The following TRAPPC9 variants were observed in gnomAD, a reference collection of about 807,000 sequenced individuals.
TRAPPC9 encodes the protein IKK2 binding protein.
TRAPPC9 carries 83 observed loss-of-function variants against 124.0 expected under a neutral mutation model. The observed-to-expected ratio is 0.67, with a 90% CI of 0.56 to 0.80. TRAPPC9 has a LOEUF of 0.80. TRAPPC9 is among the 30% of genes least tolerant of loss of function. TRAPPC9 has a pLI of 0.00. For missense variants in TRAPPC9, 1,302 were observed against 1,508.3 expected, an observed-to-expected ratio of 0.86 and a Z score of 2.27; for synonymous variants, 638 against 617.5, an observed-to-expected ratio of 1.03 and a Z score of -0.49.
intron 16 of TRAPPC9, among the ~76,000 whole-genome samples, chr8:140,239,164 G>A (rs1173026905): frequency 6.6e-6 from 1 of 152,182 alleles, no homozygotes; most frequent in African/African-American, 2.4e-5. Context: ...CAGTGTGAGG[G>A]CACGGAGGGA....
At chr8:140,270,592 A>G (rs900669783) in intron 15 of TRAPPC9, among the ~76,000 whole-genome samples, 2 of 152,210 alleles carry the variant, frequency 1.3e-5, no homozygotes, top group Non-Finnish European at 2.9e-5. Flanking sequence ...CTCCTGTGGC[A>G]CTAAGTCAGA....
intron 5 of TRAPPC9, among the ~76,000 whole-genome samples, chr8:140,418,723 AAGATAGATAGATAGATAGATAGAT>A (rs530951569): frequency 2.1e-5 from 3 of 141,214 alleles, no homozygotes; most frequent in African/African-American, 7.9e-5. Context: ...CCATCTCAAA[AAGATAGATAGATAGATAGATAGAT>A]AGATAGATAG....
chr8:139,736,263 T>G (rs1363213302), intron 21 of TRAPPC9, among the ~76,000 whole-genome samples: 1 of 152,146 alleles, frequency 6.6e-6, no homozygotes, highest in Non-Finnish European at 1.5e-5. Context: ...TGACCAACTA[T>G]CCCAGTTTGC....
chr8:140,159,331 C>A (rs4736144), intron 17 of TRAPPC9, among the ~76,000 whole-genome samples: 2 of 152,012 alleles, frequency 1.3e-5, no homozygotes, highest in Non-Finnish European at 2.9e-5. Flanking sequence ...TGGATTTATC[C>A]CACACACTGA....
intron 8 of TRAPPC9, 95 bp from the exon 9 acceptor site, chr8:140,360,288 G>A (rs2067910508): frequency 6.6e-7 from 1 of 1,510,054 alleles, no homozygotes; most frequent in South Asian, 1.2e-5. Context: ...TTTGAAGACA[G>A]ATGCCTCAAC....
At chr8:140,269,446 C>T (rs2064804593) in intron 15 of TRAPPC9, among the ~76,000 whole-genome samples, 1 of 151,950 alleles carries the variant, frequency 6.6e-6, no homozygotes, top group African/African-American at 2.4e-5. Context: ...GAGGCTGAGG[C>T]AGGAGAATGG....
At chr8:139,947,745 G>A (rs1438989220) in intron 19 of TRAPPC9, among the ~76,000 whole-genome samples, 1 of 150,624 alleles carries the variant, frequency 6.6e-6, no homozygotes, top group African/African-American at 2.4e-5. Context: ...GCGGGCACCT[G>A]TAATCCCAGC....
chr8:140,380,903 A>G (rs2068587949), intron 7 of TRAPPC9, among the ~76,000 whole-genome samples: 1 of 152,098 alleles, frequency 6.6e-6, no homozygotes, highest in Non-Finnish European at 1.5e-5. Flanking sequence ...TGCCAAGGAC[A>G]CCATCAAGAA....
chr8:139,995,240 T>C (rs2665941), intron 18 of TRAPPC9, among the ~76,000 whole-genome samples: 122,146 of 152,204 alleles, frequency 0.8, 49,684 homozygotes, highest in East Asian at 0.93. Flanking sequence ...GCGTGCCCTG[T>C]GTATAGCCAG....
At chr8:139,834,603 C>T (rs750716581) in intron 21 of TRAPPC9, among the ~76,000 whole-genome samples, 33 of 152,080 alleles carry the variant, frequency 2.2e-4, no homozygotes, top group Non-Finnish European at 3.7e-4. Context: ...CTAGTGGGGA[C>T]GTTGTCGCCC....
intron 6 of TRAPPC9, 114 bp downstream of exon 6, chr8:140,405,463 A>G (rs1461061008): frequency 1.7e-6 from 2 of 1,185,376 alleles, no homozygotes; most frequent in East Asian, 4.9e-5. Context: ...GCAAGACATG[A>G]ATACTTACAG....
chr8:139,970,403 T>A (rs11166941), intron 19 of TRAPPC9, among the ~76,000 whole-genome samples: 44,055 of 151,942 alleles, frequency 0.29, 6,430 homozygotes, highest in Middle Eastern at 0.35. Flanking sequence ...ATTTGAGGAC[T>A]CAAGAATGGG....
At chr8:140,105,178 T>C (rs76332497) in intron 17 of TRAPPC9, among the ~76,000 whole-genome samples, 1,987 of 152,348 alleles carry the variant, frequency 0.013, 51 homozygotes, top group African/African-American at 0.045. Flanking sequence ...TAGCAGCATA[T>C]CATTGTCATT....
intron 15 of TRAPPC9, among the ~76,000 whole-genome samples, chr8:140,255,730 AC>A (rs1338150908): frequency 6.6e-6 from 1 of 152,154 alleles, no homozygotes; most frequent in East Asian, 1.9e-4. Context: ...TACTAAAAAT[AC>A]AAAAATTAGC....
chr8:140,037,114 G>A (rs932248724), intron 17 of TRAPPC9, among the ~76,000 whole-genome samples: 4 of 151,442 alleles, frequency 2.6e-5, no homozygotes, highest in Non-Finnish European at 5.9e-5. Context: ...TTTACAAAAT[G>A]CATCTTAAGC....
chr8:140,175,339 G>A (rs187605865), intron 17 of TRAPPC9, among the ~76,000 whole-genome samples: 1 of 151,802 alleles, frequency 6.6e-6, no homozygotes, highest in East Asian at 2.0e-4. Context: ...AAGGGAACAA[G>A]CAGACATTGG....
chr8:139,969,108 G>A (rs1329925727), intron 19 of TRAPPC9, among the ~76,000 whole-genome samples: 1 of 152,230 alleles, frequency 6.6e-6, no homozygotes, highest in African/African-American at 2.4e-5. Flanking sequence ...CATGTCTAAC[G>A]CAGCCATTCC....
intron 11 of TRAPPC9, 99 bp from the exon 12 acceptor site, chr8:140,291,177 G>T: frequency 9.2e-7 from 1 of 1,081,222 alleles, no homozygotes; most frequent in Non-Finnish European, 1.4e-6. Context: ...TACATTCTCA[G>T]TGAGGCAGCA....
At chr8:139,953,673 A>G (rs148447283) in intron 19 of TRAPPC9, among the ~76,000 whole-genome samples, 340 of 152,352 alleles carry the variant, frequency 2.2e-3, no homozygotes, top group Non-Finnish European at 3.8e-3. Flanking sequence ...AACAGCCTGT[A>G]TCTAGAGTAT....
Sources: gnomAD v4.1 joint callset for allele counts (sites outside exome capture counted in the v4.1 genomes callset) on GRCh38, gnomAD v4.1.1 for gene constraint, MANE v1.5 for transcripts, NCBI Gene and HGNC (gene_info 2026-07-23, HGNC 2026-07-21) for gene names.